The following ARHGEF38 variants were observed in gnomAD, a reference collection of about 807,000 sequenced individuals.
ARHGEF38 encodes Rho guanine nucleotide exchange factor (GEF) 38.
ARHGEF38 carries 79 observed loss-of-function variants against 79.9 expected under a neutral mutation model. The ratio of observed to expected loss-of-function variants is 0.99; its 90% confidence interval spans 0.82 to 1.19. ARHGEF38 has a LOEUF of 1.19. ARHGEF38 is among the 50% of genes most tolerant of loss of function. ARHGEF38 has a pLI of 0.00. For missense variants in ARHGEF38, 962 were observed against 907.2 expected, an observed-to-expected ratio of 1.06 and a Z score of -0.78; for synonymous variants, 366 against 328.3, an observed-to-expected ratio of 1.11 and a Z score of -1.24.
intron 3 of ARHGEF38, among the ~76,000 whole-genome samples, chr4:105,622,337 G>T (rs545503978): frequency 1.3e-5 from 2 of 152,280 alleles, no homozygotes; most frequent in South Asian, 4.2e-4. Context: ...TCCCAGGAAG[G>T]AATGTAAGAG....
intron 5 of ARHGEF38, among the ~76,000 whole-genome samples, chr4:105,637,032 C>A (rs1317279737): frequency 6.6e-6 from 1 of 151,998 alleles, no homozygotes; most frequent in East Asian, 1.9e-4. Context: ...CTGATTAATG[C>A]TGAAAGGATG....
rs535037729 is a variant in ARHGEF38 at position 105,577,552 on chromosome 4, T to TTTGTTG, written c.197-11677_197-11672dup. On this transcript the variant is annotated intron_variant, in intron 1 of 13. Transcript: ENST00000420470. ...CTGTGAATCCATCTGGTCCTGGGTT[T>TTTGTTG]TTGTTGTTGTTGTTGTTGTTGTTGG... 2.0e-5 allele frequency among the ~76,000 whole-genome samples: 3 copies of TTTGTTG among 151,738 alleles called. No individual in the cohort carries two copies. The South Asian group carries it at 6.3e-4, about 32-fold the overall frequency.
rs1339207018 is a variant in ARHGEF38 at position 105,678,563 on chromosome 4, C to T, written c.*626C>T. 1 of 152,080 alleles carries T rather than the reference C, an allele frequency of 6.6e-6. No individual in the cohort carries two copies. Among genetic ancestry groups the T allele is most frequent in the African/African-American group, 2.4e-5 (1 of 41,432 alleles). The allele number at this position is 152,080 out of a possible 1,614,324, so 9.4% of individuals were successfully genotyped here. ...TGAATAACTTGATATTAACATGTAA[C>T]ATTACTGAATGCACACTATATGCCA... is the stretch of plus-strand genomic sequence containing the variant. On this transcript the variant is annotated 3_prime_UTR_variant, in exon 14 of 14. Transcript: ENST00000420470.
rs1337717718 is a variant in ARHGEF38 at position 105,667,466 on chromosome 4, C to G, written c.1911C>G (p.Ser637=). The part of the protein sequence containing the change: ...DTGNVKGYVY[S]SFLKPYNPAK... ...CAGATGTGAAAGGATATGTTTATTCCTCCTTCCTAAAACCCTACAATCCAG... is the reference window on the plus strand; with the variant it reads ...CAGATGTGAAAGGATATGTTTATTCGTCCTTCCTAAAACCCTACAATCCAG... The change falls in exon 13 of 14, where the codon TCC becomes TCG. Residue 637 remains serine, a synonymous_variant. Coordinates refer to ENST00000420470, the MANE Select transcript of ARHGEF38 (RefSeq NM_001242729.2). 6.5e-7 allele frequency: 1 copy of G among 1,536,068 alleles called. No individual in the cohort carries two copies. The highest frequency in any genetic ancestry group is 2.4e-5 in the East Asian group (1 of 40,918).
chr4:105,559,116 C>T (rs1725394650), intron 1 of ARHGEF38, among the ~76,000 whole-genome samples: 2 of 151,512 alleles, frequency 1.3e-5, no homozygotes, highest in African/African-American at 2.4e-5. Context: ...AGCATCAGTA[C>T]CTTTATGAAT....
chr4:105,589,498 G>A lies in ARHGEF38; in HGVS notation c.384+63G>A. On this transcript the variant is annotated intron_variant, in intron 2 of 13. Coordinates refer to ENST00000420470, the MANE Select transcript of ARHGEF38 (RefSeq NM_001242729.2). ...TCATAAATAGGATCACTAGCACCAT[G>A]AAATTGAAGCACTCAGGTGTATCAA... is the stretch of plus-strand genomic sequence containing the variant. The A allele has an allele frequency of 4.2e-6, 6 of 1,430,226 alleles. No individual in the cohort carries two copies. The South Asian group carries it at 8.2e-5, about 20-fold the overall frequency. 88.6% of individuals were successfully genotyped at this position (1,430,226 alleles called of 1,614,324 possible). A position where few individuals can be genotyped will look rare whatever the true frequency, so the allele number is the denominator to read the frequency against.
intron 13 of ARHGEF38, among the ~76,000 whole-genome samples, chr4:105,671,890 C>A (rs760333170): frequency 6.6e-6 from 1 of 152,138 alleles, no homozygotes. Context: ...ACTGTGGTAG[C>A]ACTTTTTTTA....
At chr4:105,668,223 C>T (rs1314105705) in intron 13 of ARHGEF38, among the ~76,000 whole-genome samples, 1 of 151,918 alleles carries the variant, frequency 6.6e-6, no homozygotes, top group Non-Finnish European at 1.5e-5. Flanking sequence ...ACTCTGTCGC[C>T]CAGGCTGGAG....
chr4:105,557,812 A>T (rs1401671961), intron 1 of ARHGEF38, among the ~76,000 whole-genome samples: 2 of 152,164 alleles, frequency 1.3e-5, no homozygotes, highest in East Asian at 1.9e-4. Context: ...CTAATCTCTA[A>T]TATATTTGTT....
intron 1 of ARHGEF38, among the ~76,000 whole-genome samples, chr4:105,584,006 C>G (rs2110445365): frequency 6.6e-6 from 1 of 152,176 alleles, no homozygotes; most frequent in African/African-American, 2.4e-5. Context: ...TTTTCCCACT[C>G]TTGATTTAAA....
intron 1 of ARHGEF38, among the ~76,000 whole-genome samples, chr4:105,566,637 G>GGGTGTA (rs1288160850): frequency 6.6e-6 from 1 of 151,762 alleles, no homozygotes; most frequent in Non-Finnish European, 1.5e-5. Flanking sequence ...ACCCTATTGT[G>GGGTGTA]TTAGCAAATA....
At chr4:105,561,474 A>AATGGAATGGAATGGAATG (rs1725589170) in intron 1 of ARHGEF38, 11 of 50,806 alleles carry the variant, frequency 2.2e-4, no homozygotes, top group Middle Eastern at 0.012. Context: ...AGAATAGAAT[A>AATGGAATGGAATGGAATG]GAATAGAATA....
rs1475947563 is a variant in ARHGEF38 at position 105,630,816 on chromosome 4, G to A, written c.509-82G>A. The A allele has an allele frequency of 1.0e-5, 13 of 1,270,244 alleles. No homozygotes were observed. In the South Asian group the frequency reaches 1.1e-4, roughly 11 times the overall value. The allele number at this position is 1,270,244 out of a possible 1,614,324, so 78.7% of individuals were successfully genotyped here. On this transcript the variant is annotated intron_variant, in intron 3 of 13. Coordinates refer to ENST00000420470, the MANE Select transcript of ARHGEF38 (RefSeq NM_001242729.2). ...TAGATCCCATCCAAGTTTTTGACACGAGTCGACATTGTTGAAAATAATCAT... is the reference window on the plus strand; with the variant it reads ...TAGATCCCATCCAAGTTTTTGACACAAGTCGACATTGTTGAAAATAATCAT...
At chr4:105,621,810 G>T (rs1327264626) in intron 3 of ARHGEF38, among the ~76,000 whole-genome samples, 1 of 152,190 alleles carries the variant, frequency 6.6e-6, no homozygotes, top group Non-Finnish European at 1.5e-5. Context: ...AACTGGGACT[G>T]GTTGGGAGGG....
intron 2 of ARHGEF38, among the ~76,000 whole-genome samples, chr4:105,598,391 C>T (rs1484080780): frequency 6.6e-6 from 1 of 152,122 alleles, no homozygotes; most frequent in African/African-American, 2.4e-5. Context: ...ATTTTGTTCA[C>T]TACATTAAAT....
chr4:105,677,038 A>C (rs1474419284), intron 13 of ARHGEF38, among the ~76,000 whole-genome samples: 3 of 151,444 alleles, frequency 2.0e-5, no homozygotes, highest in Admixed American at 2.0e-4. Context: ...ATCTCGGCTC[A>C]CTGCAACCAC....
At chr4:105,643,021 T>C (rs920061915) in intron 5 of ARHGEF38, among the ~76,000 whole-genome samples, 6 of 152,056 alleles carry the variant, frequency 3.9e-5, no homozygotes, top group Non-Finnish European at 8.8e-5. Context: ...GACTAAACTG[T>C]TGTATTATTG....
chr4:105,640,105 A>G (rs962784386), intron 5 of ARHGEF38, among the ~76,000 whole-genome samples: 1 of 152,026 alleles, frequency 6.6e-6, no homozygotes, highest in Non-Finnish European at 1.5e-5. Flanking sequence ...GTAGAAGACA[A>G]GAATTTATTT....
At chr4:105,557,189 G>C (rs1376063460) in intron 1 of ARHGEF38, among the ~76,000 whole-genome samples, 1 of 152,040 alleles carries the variant, frequency 6.6e-6, no homozygotes, top group Non-Finnish European at 1.5e-5. Context: ...ATACAGAACT[G>C]TGTCTGTGCA....
Sources: allele counts gnomAD v4.1 joint callset (sites outside exome capture counted in the v4.1 genomes callset), GRCh38; gene constraint gnomAD v4.1.1; transcripts MANE v1.5; gene names NCBI Gene and HGNC (gene_info 2026-07-23, HGNC 2026-07-21).